Variants in BTAF1 observed in about 807,000 individuals in gnomAD.
BTAF1 encodes B-TFIID TATA-box binding protein associated factor 1, also known as TATA-binding protein-associated factor 172.
Under a neutral mutation model 227.1 loss-of-function variants are expected in BTAF1, and 38 were observed. The ratio of observed to expected loss-of-function variants is 0.17; its 90% CI spans 0.13 to 0.22. The LOEUF (loss-of-function observed/expected upper bound fraction) is 0.22, where lower values mean the gene tolerates loss of function less well. BTAF1 is among the 10% of genes least tolerant of loss of function. BTAF1 has a pLI of 1.00. For missense variants in BTAF1, 1,598 were observed against 2,204.0 expected (o/e 0.73, Z 5.51); for synonymous variants, 742 against 751.9 (o/e 0.99, Z 0.21).
At chr10:91,952,501 A>AG (rs1176465086) in intron 5 of BTAF1, among the ~76,000 whole-genome samples, 10 of 152,306 alleles carry the variant, frequency 6.6e-5, no homozygotes, top group African/African-American at 2.4e-4. Flanking sequence ...GTATTCTTTT[A>AG]GGGGTCCATG....
intron 28 of BTAF1, among the ~76,000 whole-genome samples, chr10:92,010,669 A>G (rs1031286986): frequency 6.6e-6 from 1 of 152,186 alleles, no homozygotes; most frequent in Non-Finnish European, 1.5e-5. Flanking sequence ...CATGCTCCCA[A>G]AACAACCTTT....
chr10:91,935,488 G>A (rs1027032569), intron 1 of BTAF1, among the ~76,000 whole-genome samples, 169 bp from the exon 2 acceptor site: 8 of 152,086 alleles, frequency 5.3e-5, no homozygotes, highest in African/African-American at 9.7e-5. Context: ...GAGAATATGC[G>A]GCATTTATCT....
chr10:91,953,802 C>G lies in BTAF1; in HGVS notation c.630C>G (p.Asn210Lys). 6.2e-7 allele frequency: 1 copy of G among 1,613,914 alleles called. No individual in the cohort carries two copies. Among genetic ancestry groups the G allele is most frequent in the Non-Finnish European group, 8.5e-7 (1 of 1,179,910 alleles). Residue 210 changes from asparagine to lysine, a missense_variant, in exon 6 of 38, where the codon AAC (asparagine) becomes AAG (lysine). Asn to Lys is a moderately conservative substitution (Grantham distance 94, BLOSUM62 0). This residue lies in a region of BTAF1 where 298 missense variants were observed against 395.2 expected (regional missense o/e 0.75). Coordinates refer to ENST00000265990, the MANE Select transcript of BTAF1 (RefSeq NM_003972.3). Reference sequence around the variant, plus strand: ...CAGGAATGAGCAATAGACAAAAGAACAAAGCTAAAAGAATGGCCAAGTTAT... The same window carrying G: ...CAGGAATGAGCAATAGACAAAAGAAGAAAGCTAAAAGAATGGCCAAGTTAT... ...FRAGMSNRQK[N>K]KAKRMAKLFA...
At chr10:91,977,820 T>C (rs1311108627) in intron 14 of BTAF1, among the ~76,000 whole-genome samples, 1 of 152,222 alleles carries the variant, frequency 6.6e-6, no homozygotes, top group African/African-American at 2.4e-5. Context: ...CAACATACGA[T>C]GTGGGCCATC....
At chr10:91,934,782 C>T (rs755492994) in intron 1 of BTAF1, among the ~76,000 whole-genome samples, 4 of 152,118 alleles carry the variant, frequency 2.6e-5, no homozygotes, top group African/African-American at 4.8e-5. Flanking sequence ...TTGTTGTGTT[C>T]TTGTTTTCCT....
chr10:91,947,773 G>A, intron 4 of BTAF1, among the ~76,000 whole-genome samples: 1 of 124,742 alleles, frequency 8.0e-6, no homozygotes, highest in East Asian at 2.6e-4. Context: ...CTGGGATTTT[G>A]ATAGCAATTT....
intron 26 of BTAF1, 139 bp downstream of exon 26, chr10:92,008,414 G>T: frequency 1.2e-6 from 1 of 803,536 alleles, no homozygotes; most frequent in Non-Finnish European, 1.8e-6. Flanking sequence ...CAGAATCATG[G>T]TTCACTGCAG....
intron 19 of BTAF1, among the ~76,000 whole-genome samples, chr10:91,986,595 G>A (rs983048234): frequency 6.6e-6 from 1 of 151,850 alleles, no homozygotes; most frequent in African/African-American, 2.4e-5. Context: ...TTATTTTCCC[G>A]AGTGTTGTTA....
At chr10:91,988,431 A>G (rs1848549492) in intron 19 of BTAF1, among the ~76,000 whole-genome samples, 1 of 152,152 alleles carries the variant, frequency 6.6e-6, no homozygotes, top group African/African-American at 2.4e-5. Context: ...TACATTTCAA[A>G]TGGGTAGTTT....
chr10:91,978,567 T>C (rs1368022040), intron 14 of BTAF1, among the ~76,000 whole-genome samples: 1 of 152,270 alleles, frequency 6.6e-6, no homozygotes, highest in South Asian at 2.1e-4. Context: ...AACTTAAACA[T>C]TTATTATCCC....
chr10:91,958,310 C>G (rs1053872380), intron 8 of BTAF1, among the ~76,000 whole-genome samples: 1 of 152,088 alleles, frequency 6.6e-6, no homozygotes, highest in African/African-American at 2.4e-5. Context: ...CCCACCTGGG[C>G]CTTCCAAAGT....
intron 9 of BTAF1, 59 bp from the exon 10 acceptor site, chr10:91,959,726 G>T: frequency 2.6e-6 from 1 of 378,876 alleles, no homozygotes; most frequent in Admixed American, 8.6e-5. Context: ...AAATGTGTGT[G>T]TGTGTGTGTG....
intron 25 of BTAF1, among the ~76,000 whole-genome samples, chr10:92,000,207 C>T (rs1320401773): frequency 6.6e-6 from 1 of 152,186 alleles, no homozygotes; most frequent in Admixed American, 6.5e-5. Flanking sequence ...TCCTCTGCTT[C>T]CTAGATTTTA....
chr10:92,024,777 G>T lies in BTAF1; in HGVS notation c.4885G>T (p.Gly1629Ter). The T allele has an allele frequency of 6.2e-7, 1 of 1,609,650 alleles. No homozygotes were observed. Among genetic ancestry groups the T allele is most frequent in the South Asian group, 1.1e-5 (1 of 90,768 alleles). Residue 1629 changes from glycine to a stop codon, truncating the protein, a stop_gained, in exon 35 of 38, where the codon GGA (glycine) becomes TGA (stop). Transcript: ENST00000265990. LOFTEE classifies it high-confidence loss of function. Reference sequence around the variant, plus strand: ...TAAGTTGCTGTTGGACTGCGGTTTGGGAAATGGCAGCACTTCCGAGAGTGG... The same window carrying T: ...TAAGTTGCTGTTGGACTGCGGTTTGTGAAATGGCAGCACTTCCGAGAGTGG... ...LKQLLLDCGL[G>*]NGSTSESGTE...
intron 13 of BTAF1, among the ~76,000 whole-genome samples, chr10:91,964,557 C>T (rs1021931721): frequency 1.8e-4 from 27 of 152,098 alleles, no homozygotes; most frequent in Admixed American, 1.7e-3. Flanking sequence ...GAATTATCAT[C>T]GAACATCAGC....
chr10:92,001,605 A>G (rs918768132), intron 25 of BTAF1, among the ~76,000 whole-genome samples: 1 of 152,170 alleles, frequency 6.6e-6, no homozygotes, highest in Non-Finnish European at 1.5e-5. Context: ...GTTCTAATTA[A>G]TTTCAGCTAA....
intron 14 of BTAF1, among the ~76,000 whole-genome samples, chr10:91,968,492 G>A (rs1847078403): frequency 6.6e-6 from 1 of 152,142 alleles, no homozygotes; most frequent in Non-Finnish European, 1.5e-5. Flanking sequence ...GAATAAAATT[G>A]TTACAAACAT....
chr10:91,962,516 A>G (rs1846598101), intron 11 of BTAF1, 22 bp from the exon 12 acceptor site: 2 of 1,458,722 alleles, frequency 1.4e-6, no homozygotes, highest in Non-Finnish European at 1.9e-6. Flanking sequence ...AAATTAATTT[A>G]TTTTCATGTA....
chr10:92,019,382 A>G (rs1401992164), intron 34 of BTAF1, among the ~76,000 whole-genome samples: 1 of 152,228 alleles, frequency 6.6e-6, no homozygotes. Flanking sequence ...TTATGGATAT[A>G]GCACATTTCA....
Sources: allele counts gnomAD v4.1 joint callset (sites outside exome capture counted in the v4.1 genomes callset), GRCh38; gene constraint gnomAD v4.1.1; regional missense constraint gnomAD v4.1.1; transcripts MANE v1.5; gene names NCBI Gene and HGNC (gene_info 2026-07-23, HGNC 2026-07-21).